Variants in STK32B observed in about 807,000 individuals in gnomAD.
The protein encoded by STK32B is serine/threonine-protein kinase 32B.
In STK32B, 43 loss-of-function variants were observed where a neutral mutation model predicts 52.6. The ratio of observed to expected loss-of-function variants is 0.82; its 90% CI spans 0.64 to 1.05. The LOEUF is 1.05. STK32B is among the 50% of genes least tolerant of loss of function. The pLI, the probability that STK32B is intolerant of heterozygous loss-of-function variation, is 0.00. For synonymous variants in STK32B, 238 were observed against 204.3 expected, an observed-to-expected ratio of 1.17 and a Z score of -1.41; for missense variants, 621 against 534.6, an observed-to-expected ratio of 1.16 and a Z score of -1.59.
intron 5 of STK32B, among the ~76,000 whole-genome samples, chr4:5,413,342 A>C (rs1340053456): frequency 6.6e-6 from 1 of 152,200 alleles, no homozygotes; most frequent in Non-Finnish European, 1.5e-5. Flanking sequence ...TTTTTAGCTG[A>C]AGTTCAGTGG....
chr4:5,248,402 T>C (rs1725620481), intron 3 of STK32B, among the ~76,000 whole-genome samples: 1 of 152,244 alleles, frequency 6.6e-6, no homozygotes, highest in Non-Finnish European at 1.5e-5. Flanking sequence ...TAATGTGCCC[T>C]GATGTGTCTT....
At position 5,459,401 on chromosome 4, in the gene STK32B, A is replaced by G. The variant is rs1053564595; in HGVS notation, c.784-702A>G. On this transcript the variant is annotated intron_variant, in intron 8 of 11. Transcript: ENST00000282908. ...TATTCCCCCTGCTTTCAGGGAGGCAATGAGCCCAGGGCACCCAGCAGCTCG... is the reference window on the plus strand; with the variant it reads ...TATTCCCCCTGCTTTCAGGGAGGCAGTGAGCCCAGGGCACCCAGCAGCTCG... Among the ~76,000 whole-genome samples the G allele has an allele frequency of 7.2e-5, 11 of 152,106 alleles. No homozygotes were observed. The East Asian group carries it at 1.4e-3, about 19-fold the overall frequency.
chr4:5,202,994 T>C (rs1722275012), intron 3 of STK32B, among the ~76,000 whole-genome samples: 1 of 152,248 alleles, frequency 6.6e-6, no homozygotes, highest in Admixed American at 6.5e-5. Context: ...TGTGGAATTA[T>C]GGAAAGGGCT....
At chr4:5,434,470 A>ATATG (rs1560407428) in intron 6 of STK32B, among the ~76,000 whole-genome samples, 2 of 150,926 alleles carry the variant, frequency 1.3e-5, no homozygotes, top group African/African-American at 4.9e-5. Flanking sequence ...ATATATATAT[A>ATATG]TATGATTTTT....
rs1367004236 is a variant in STK32B at position 5,467,409 on chromosome 4, C to G, written c.1041+575C>G. On this transcript the variant is annotated intron_variant, in intron 10 of 11. Transcript: ENST00000282908. The surrounding 1 kb of genome is among the most constrained non-coding windows in gnomAD (Gnocchi z 5.8). Reference sequence around the variant, plus strand: ...GCTCGCAGCTGCATGGTTCCAGTCTCTCCCTCCGTCACTGCATGGCCTTAT... The same window carrying G: ...GCTCGCAGCTGCATGGTTCCAGTCTGTCCCTCCGTCACTGCATGGCCTTAT... Among the ~76,000 whole-genome samples, 1 of 152,160 alleles carries G rather than the reference C, an allele frequency of 6.6e-6. No individual in the cohort carries two copies. Among genetic ancestry groups the G allele is most frequent in the Non-Finnish European group, 1.5e-5 (1 of 68,030 alleles).
chr4:5,058,025 T>G lies in STK32B; in HGVS notation c.52+6110T>G, dbSNP rs1742073541. 6.6e-6 allele frequency among the ~76,000 whole-genome samples: 1 copy of G among 152,204 alleles called. No homozygotes were observed. The highest frequency in any genetic ancestry group is 2.4e-5 in the African/African-American group (1 of 41,452). On this transcript the variant is annotated intron_variant, in intron 1 of 11. Transcript: ENST00000282908. This position sits in a 1 kb window ranked among gnomAD's most constrained non-coding sequence, Gnocchi z 4.8. ...TAGCTAGAGCCAACCAAGGAAAAGATGGATGTCAACGTTGTTAGCAATCCT... is the reference window on the plus strand; with the variant it reads ...TAGCTAGAGCCAACCAAGGAAAAGAGGGATGTCAACGTTGTTAGCAATCCT...
At chr4:5,461,067 G>A (rs780935837) in intron 9 of STK32B, among the ~76,000 whole-genome samples, 1 of 152,150 alleles carries the variant, frequency 6.6e-6, no homozygotes, top group Non-Finnish European at 1.5e-5. Context: ...CCTTCCTGTT[G>A]AGCAGTTGCA....
chr4:5,019,445 T>C, the STK32B span: 11 of 1,465,446 alleles, frequency 7.5e-6, no homozygotes, highest in African/African-American at 1.0e-4. Flanking sequence ...GGCGTCCTCA[T>C]GGTGCCAGGC....
rs115815023 is a variant in STK32B at position 5,390,910 on chromosome 4, G to A, written c.435-7297G>A. Among the ~76,000 whole-genome samples the A allele has an allele frequency of 8.4e-3, 1,264 of 151,132 alleles. 28 individuals are homozygous for A. The highest frequency in any genetic ancestry group is 0.029 in the African/African-American group (1,178 of 41,008). ...GGCTGGTAGATGTGTCACTCCACAC[G>A]CTACCTCTGTCCTTATGTGGCCTTC... is the stretch of plus-strand genomic sequence containing the variant. On this transcript the variant is annotated intron_variant, in intron 4 of 11. Transcript: ENST00000282908.
chr4:5,032,362 A>T, the STK32B span, among the ~76,000 whole-genome samples: 3 of 151,226 alleles, frequency 2.0e-5, no homozygotes, highest in South Asian at 2.1e-4. Context: ...AGTCCCAGCT[A>T]CTCAGGAGGC....
rs34833315 is a variant in STK32B, at chr4:5,278,606, G to A, written c.261-52614G>A. Among the ~76,000 whole-genome samples, 390 of 152,254 alleles carry A rather than the reference G, an allele frequency of 2.6e-3. 1 individual carries two copies. Among genetic ancestry groups the A allele is most frequent in the Admixed American group, 4.6e-3 (71 of 15,290 alleles). ...ATTCACTTGCGAATTTGAAAACCTA[G>A]GCATATACCTCAGAAGTACTGAGGC... On this transcript the variant is annotated intron_variant, in intron 3 of 11. Transcript: ENST00000282908.
chr4:5,146,654 G>C (rs911920677), intron 2 of STK32B, among the ~76,000 whole-genome samples: 1 of 152,106 alleles, frequency 6.6e-6, no homozygotes, highest in African/African-American at 2.4e-5. Context: ...CCAATACTTT[G>C]CATCCTTCAA....
intron 3 of STK32B, among the ~76,000 whole-genome samples, chr4:5,228,196 CCAGA>C (rs1383174771): frequency 2.0e-5 from 3 of 152,132 alleles, no homozygotes; most frequent in Admixed American, 6.5e-5. Flanking sequence ...GCTGCTGATA[CCAGA>C]CAAATACAAG....
intron 6 of STK32B, 106 bp from the exon 7 acceptor site, chr4:5,446,567 A>AC: frequency 1.3e-5 from 5 of 372,034 alleles, no homozygotes; most frequent in Admixed American, 5.3e-5. Flanking sequence ...AAAAAAAAAC[A>AC]AAAAAAAAAA....
At chr4:5,063,482 A>G (rs923722743) in intron 1 of STK32B, among the ~76,000 whole-genome samples, 1 of 152,058 alleles carries the variant, frequency 6.6e-6, no homozygotes, top group Non-Finnish European at 1.5e-5. Flanking sequence ...AGCTGGGACT[A>G]CAGGTGCCCG....
chr4:5,051,923 AG>A lies in STK32B; in HGVS notation c.52+9del, dbSNP rs1560126763. The A allele has an allele frequency of 6.3e-7, 1 of 1,591,010 alleles. No homozygotes were observed. The highest frequency in any genetic ancestry group is 8.6e-7 in the Non-Finnish European group (1 of 1,169,250). On this transcript the variant is annotated intron_variant, in intron 1 of 11. Coordinates refer to ENST00000282908, the MANE Select transcript of STK32B (RefSeq NM_018401.3). ...TTGACGAGAATGAGGAAGGTAAGAGAGCGAGAGGTGCGAATTCCCGCTTCGC... is the reference window on the plus strand; with the variant it reads ...TTGACGAGAATGAGGAAGGTAAGAGACGAGAGGTGCGAATTCCCGCTTCGC...
intron 9 of STK32B, among the ~76,000 whole-genome samples, chr4:5,461,501 G>T (rs559846882): frequency 1.3e-5 from 2 of 152,278 alleles, no homozygotes; most frequent in East Asian, 1.9e-4. Flanking sequence ...TGGTAGCAGC[G>T]CACACGCACG....
chr4:5,078,642 G>A (rs1251446837), intron 1 of STK32B, among the ~76,000 whole-genome samples: 1 of 152,196 alleles, frequency 6.6e-6, no homozygotes, highest in Non-Finnish European at 1.5e-5. Context: ...TACTTGGGAT[G>A]CCTCCTTGTT....
intron 3 of STK32B, among the ~76,000 whole-genome samples, chr4:5,252,177 TCA>T (rs1413303547): frequency 6.6e-6 from 1 of 152,174 alleles, no homozygotes; most frequent in Non-Finnish European, 1.5e-5. Flanking sequence ...TTTTCTATGC[TCA>T]GAGTCACTAC....
Sources: allele counts gnomAD v4.1 joint callset (sites outside exome capture counted in the v4.1 genomes callset), GRCh38; gene constraint gnomAD v4.1.1; non-coding constraint Gnocchi (gnomAD v3.1); transcripts MANE v1.5; gene names NCBI Gene and HGNC (gene_info 2026-07-23, HGNC 2026-07-21).